ADK: variants seen among roughly 807,000 people sequenced by gnomAD.
ADK encodes the protein adenosine kinase.
ADK carries 24 observed loss-of-function variants against 44.7 expected under a neutral mutation model. The observed-to-expected ratio is 0.54, with a 90% CI of 0.39 to 0.76. ADK has a LOEUF of 0.76. Ranked by LOEUF, ADK falls within the 30% of genes least tolerant of loss-of-function variation. The pLI is 0.00. For missense variants in ADK, 321 were observed against 425.1 expected, an observed-to-expected ratio of 0.76 and a Z score of 2.15; for synonymous variants, 128 against 142.6, an observed-to-expected ratio of 0.90 and a Z score of 0.73.
intron 3 of ADK, among the ~76,000 whole-genome samples, chr10:74,247,661 C>G (rs1277230906): frequency 1.3e-5 from 2 of 152,058 alleles, no homozygotes; most frequent in Non-Finnish European, 2.9e-5. Flanking sequence ...GGAATATTGA[C>G]CTACTTTTTC....
chr10:74,277,937 C>T (rs1292557107), intron 3 of ADK, among the ~76,000 whole-genome samples: 5 of 152,082 alleles, frequency 3.3e-5, no homozygotes, highest in Non-Finnish European at 7.4e-5. Flanking sequence ...TGCAGAAATT[C>T]ATATATTCCA....
rs1010765188 is a variant in ADK, at chr10:74,364,058, T to A, written c.274-30083T>A. On this transcript the variant is annotated intron_variant, in intron 4 of 10. Transcript: ENST00000539909. ...CTTTTCAACTTCTAGTAAGCAATCA[T>A]TTGAATCATTAAGTATTTTTGGTGT... 2.0e-5 allele frequency among the ~76,000 whole-genome samples: 3 copies of A among 152,346 alleles called. No homozygotes were observed. In the East Asian group the frequency reaches 5.8e-4, roughly 29 times the overall value.
chr10:74,631,130 C>G (rs911264070), intron 9 of ADK, among the ~76,000 whole-genome samples: 1 of 151,968 alleles, frequency 6.6e-6, no homozygotes, highest in Non-Finnish European at 1.5e-5. Flanking sequence ...TTTCCTTGCC[C>G]CAGCCATGAA....
intron 6 of ADK, among the ~76,000 whole-genome samples, chr10:74,399,291 G>T (rs1435702892): frequency 2.7e-5 from 4 of 148,210 alleles, no homozygotes; most frequent in Admixed American, 2.7e-4. Flanking sequence ...ATATGGTTTT[G>T]GTATAACAGC....
chr10:74,344,651 A>G (rs187052127), intron 4 of ADK: 9 of 200,068 alleles, frequency 4.5e-5, no homozygotes, highest in Non-Finnish European at 7.5e-5. Context: ...AAATATTTCC[A>G]TAAAGTGTTC....
intron 6 of ADK, among the ~76,000 whole-genome samples, chr10:74,448,812 A>G (rs1845674451): frequency 6.6e-6 from 1 of 152,160 alleles, no homozygotes; most frequent in African/African-American, 2.4e-5. Context: ...TTATTTACAC[A>G]CATACAATAA....
intron 6 of ADK, among the ~76,000 whole-genome samples, chr10:74,440,467 A>G (rs1300807484): frequency 6.6e-6 from 1 of 152,186 alleles, no homozygotes; most frequent in Non-Finnish European, 1.5e-5. Context: ...CTTGAAAAGA[A>G]CAAAAGATTC....
intron 9 of ADK, among the ~76,000 whole-genome samples, chr10:74,640,444 G>A (rs1314618872): frequency 2.0e-5 from 3 of 152,222 alleles, no homozygotes; most frequent in Admixed American, 2.0e-4. Context: ...AACAAAGAGG[G>A]AATCCCATGT....
chr10:74,230,526 C>T (rs1844720407), intron 3 of ADK, among the ~76,000 whole-genome samples: 1 of 149,784 alleles, frequency 6.7e-6, no homozygotes, highest in South Asian at 2.1e-4. Flanking sequence ...GGCTAGAAAA[C>T]AGTTGCATGA....
chr10:74,274,747 T>C (rs1159291237), intron 3 of ADK, among the ~76,000 whole-genome samples: 7 of 95,338 alleles, frequency 7.3e-5, no homozygotes, highest in East Asian at 2.6e-4. Context: ...TATATATATA[T>C]ACACACACAC....
chr10:74,270,743 A>T (rs1401228361), intron 3 of ADK, among the ~76,000 whole-genome samples: 1 of 152,214 alleles, frequency 6.6e-6, no homozygotes, highest in Non-Finnish European at 1.5e-5. Context: ...ATGTCTATTG[A>T]TCTTTTATTA....
intron 6 of ADK, among the ~76,000 whole-genome samples, chr10:74,440,134 T>A (rs1041791912): frequency 1.3e-5 from 2 of 152,106 alleles, no homozygotes; most frequent in African/African-American, 4.8e-5. Context: ...CCTAGTGGCT[T>A]AGTATTGTTT....
intron 7 of ADK, among the ~76,000 whole-genome samples, chr10:74,543,821 TTC>T (rs1452586240): frequency 4.6e-5 from 7 of 152,228 alleles, no homozygotes; most frequent in Admixed American, 6.5e-5. Flanking sequence ...AAAGTGATCA[TTC>T]TTTAAGGTAC....
At chr10:74,196,243 C>A (rs2132135091) in intron 1 of ADK, among the ~76,000 whole-genome samples, 1 of 151,976 alleles carries the variant, frequency 6.6e-6, no homozygotes, top group South Asian at 2.1e-4. Flanking sequence ...CCTTGGGGAA[C>A]TGTAATGTTA....
chr10:74,372,509 G>A (rs10824160), intron 4 of ADK: 41,342 of 376,414 alleles, frequency 0.11, 2,670 homozygotes, highest in Middle Eastern at 0.16. Context: ...CATTCAGCAA[G>A]GTTGACAGAT....
chr10:74,481,973 C>T (rs1447432695), intron 6 of ADK, among the ~76,000 whole-genome samples: 1 of 152,176 alleles, frequency 6.6e-6, no homozygotes, highest in African/African-American at 2.4e-5. Context: ...CCCTTGGAGA[C>T]ATCTAGGGAA....
At chr10:74,243,024 C>T (rs922077100) in intron 3 of ADK, among the ~76,000 whole-genome samples, 4 of 152,236 alleles carry the variant, frequency 2.6e-5, no homozygotes, top group African/African-American at 7.2e-5. Flanking sequence ...TCAGAACCCA[C>T]GGAGTGCAGG....
intron 6 of ADK, among the ~76,000 whole-genome samples, chr10:74,432,159 A>G (rs1845024140): frequency 6.6e-6 from 1 of 152,052 alleles, no homozygotes; most frequent in Non-Finnish European, 1.5e-5. Context: ...GCACCACTGC[A>G]CTCCAGCCTG....
intron 9 of ADK, chr10:74,656,050 G>A: frequency 2.1e-6 from 1 of 487,248 alleles, no homozygotes; most frequent in East Asian, 4.2e-5. Context: ...AGTAGGACTG[G>A]GGAGATGATA....
Sources: gnomAD v4.1 joint callset for allele counts (sites outside exome capture counted in the v4.1 genomes callset) on GRCh38, gnomAD v4.1.1 for gene constraint, MANE v1.5 for transcripts, NCBI Gene and HGNC (gene_info 2026-07-23, HGNC 2026-07-21) for gene names.